The following DIP2C variants were observed in gnomAD, a reference collection of about 807,000 sequenced individuals.
DIP2C encodes disco-interacting protein 2 homolog C.
Under a neutral mutation model 192.4 loss-of-function variants are expected in DIP2C, and 33 were observed. That is an observed-to-expected ratio of 0.17 (90% CI 0.13 to 0.23). The LOEUF is 0.23. Ranked by LOEUF, DIP2C falls within the 10% of genes least tolerant of loss-of-function variation. DIP2C has a pLI of 1.00. For synonymous variants in DIP2C, 979 were observed against 864.1 expected, an observed-to-expected ratio of 1.13 and a Z score of -2.33; for missense variants, 1,537 against 2,110.1, an observed-to-expected ratio of 0.73 and a Z score of 5.32.
chr10:582,686 G>A (rs1283961023), intron 1 of DIP2C, among the ~76,000 whole-genome samples: 1 of 152,226 alleles, frequency 6.6e-6, no homozygotes, highest in East Asian at 1.9e-4. Flanking sequence ...CTATCAGGAA[G>A]AAAAGCGTGT....
At chr10:662,250 G>T (rs1287727942) in intron 1 of DIP2C, 43 of 640,500 alleles carry the variant, frequency 6.7e-5, no homozygotes, top group Middle Eastern at 4.9e-4. Context: ...CCTCCTGAAG[G>T]TACTGTATGA....
intron 31 of DIP2C, among the ~76,000 whole-genome samples, chr10:315,244 AAAAC>A (rs1956727054): frequency 6.6e-6 from 1 of 152,228 alleles, no homozygotes; most frequent in Non-Finnish European, 1.5e-5. Flanking sequence ...TAATACTTTT[AAAAC>A]AAACTAAAAA....
rs1249854283 is a variant in DIP2C, at chr10:689,665, C to T, written c.-87G>A. ...CTCCTCGCGCCCGGCGGAACCGCAC[C>T]GAGGAGGAGGCGGCGGCGCGGGCGC... On this transcript the variant is annotated 5_prime_UTR_variant, in exon 1 of 37. Coordinates refer to ENST00000280886, the MANE Select transcript of DIP2C (RefSeq NM_014974.3). This position sits in a 1 kb window ranked among gnomAD's most constrained non-coding sequence, Gnocchi z 6.1. 1.3e-5 allele frequency: 12 copies of T among 922,344 alleles called. No individual in the cohort carries two copies. The highest frequency in any genetic ancestry group is 5.0e-5 in the South Asian group (1 of 20,174). 57.1% of individuals were successfully genotyped at this position (922,344 alleles called of 1,614,324 possible).
intron 3 of DIP2C, among the ~76,000 whole-genome samples, chr10:446,450 A>G (rs1047278357): frequency 6.6e-6 from 1 of 152,250 alleles, no homozygotes; most frequent in Non-Finnish European, 1.5e-5. Context: ...TGTATCTTGC[A>G]TGCTTGCAAA....
intron 29 of DIP2C, among the ~76,000 whole-genome samples, chr10:331,882 T>C (rs1957523286): frequency 6.6e-6 from 1 of 151,304 alleles, no homozygotes; most frequent in South Asian, 2.1e-4. Context: ...AATTTTACTG[T>C]GGTAAAACAT....
intron 6 of DIP2C, among the ~76,000 whole-genome samples, chr10:416,433 C>A (rs1266017201): frequency 6.6e-6 from 1 of 152,142 alleles, no homozygotes; most frequent in Non-Finnish European, 1.5e-5. Flanking sequence ...ACCACCACGC[C>A]CAAGCCCTGT....
At chr10:671,039 G>A (rs1056517191) in intron 1 of DIP2C, among the ~76,000 whole-genome samples, 10 of 152,218 alleles carry the variant, frequency 6.6e-5, no homozygotes, top group Admixed American at 6.5e-4. Context: ...GATCTGCCCC[G>A]AGGCCGCTTC....
At chr10:577,323 G>A (rs186117924) in intron 1 of DIP2C, among the ~76,000 whole-genome samples, 60 of 152,358 alleles carry the variant, frequency 3.9e-4, no homozygotes, top group African/African-American at 1.3e-3. Flanking sequence ...AGAGGAAGAA[G>A]AAGTATCGGT....
chr10:535,705 G>T (rs1847658130), intron 1 of DIP2C, among the ~76,000 whole-genome samples: 1 of 152,076 alleles, frequency 6.6e-6, no homozygotes, highest in Non-Finnish European at 1.5e-5. Context: ...CATAAAAACT[G>T]TATGTGGGCT....
In DIP2C at chr10:542,339, TCTC is replaced by T. The variant is rs577880142; in HGVS notation, c.86-55812_86-55810del. On this transcript the variant is annotated intron_variant, in intron 1 of 36. Transcript: ENST00000280886. ...GTCCCTCAACAGATGCTCTATGTCT[TCTC>T]CTCCTCTCCTGGCAGAGCTTTGCTG... Among the ~76,000 whole-genome samples the T allele has an allele frequency of 7.2e-5, 11 of 152,240 alleles. No individual in the cohort carries two copies. The South Asian group carries it at 1.0e-3, about 14-fold the overall frequency.
At chr10:657,658 T>C (rs865925335) in intron 1 of DIP2C, among the ~76,000 whole-genome samples, 162 of 31,278 alleles carry the variant, frequency 5.2e-3, no homozygotes, top group African/African-American at 7.3e-3. Flanking sequence ...CCTGGACCTG[T>C]CCCTGGACCT....
At position 432,888 on chromosome 10, in the gene DIP2C, T is replaced by C. The variant is rs530879050; in HGVS notation, c.394+7983A>G. Among the ~76,000 whole-genome samples, 71 of 152,358 alleles carry C rather than the reference T, an allele frequency of 4.7e-4. No homozygotes were observed. The South Asian group carries it at 0.013, about 28-fold the overall frequency. On this transcript the variant is annotated intron_variant, in intron 4 of 36. Coordinates refer to ENST00000280886, the MANE Select transcript of DIP2C (RefSeq NM_014974.3). ...TTAAAGAAATCTTCAGATTTCTTCC[T>C]TGAGCAATGCATTATTTTTAAGTGT...
chr10:449,508 G>A (rs1564727128), intron 3 of DIP2C, among the ~76,000 whole-genome samples: 1 of 151,880 alleles, frequency 6.6e-6, no homozygotes, highest in Non-Finnish European at 1.5e-5. Context: ...TGAAAAGTGA[G>A]TATCTTAAAG....
At chr10:342,316 G>A (rs1214675388) in intron 28 of DIP2C, among the ~76,000 whole-genome samples, 1 of 152,006 alleles carries the variant, frequency 6.6e-6, no homozygotes, top group African/African-American at 2.4e-5. Context: ...CCGCCACCAC[G>A]CCCGGCTAAT....
chr10:484,685 A>G lies in DIP2C; in HGVS notation c.157+1774T>C. 2.7e-6 allele frequency: 4 copies of G among 1,454,952 alleles called. No homozygotes were observed. The South Asian group carries it at 4.1e-5, about 15-fold the overall frequency. 90.1% of individuals were successfully genotyped at this position (1,454,952 alleles called of 1,614,324 possible). The stretch of plus-strand genomic sequence containing the variant: ...ATGGGACCCTCAGGCCCCCAAGGCC[A>G]CACCCTACACGTCTGTACGGGATGG... On this transcript the variant is annotated intron_variant, in intron 2 of 36. Transcript: ENST00000280886.
intron 1 of DIP2C, among the ~76,000 whole-genome samples, chr10:633,726 G>A (rs1854664577): frequency 6.6e-6 from 1 of 152,202 alleles, no homozygotes. Context: ...AAAAACAGTA[G>A]GAGGAAAAAC....
At chr10:312,372 A>T (rs994952356) in intron 31 of DIP2C, among the ~76,000 whole-genome samples, 4 of 152,166 alleles carry the variant, frequency 2.6e-5, no homozygotes, top group African/African-American at 9.7e-5. Context: ...AATATTCCCA[A>T]AAAGTACAAA....
intron 1 of DIP2C, among the ~76,000 whole-genome samples, chr10:649,213 G>A (rs1184326003): frequency 1.3e-5 from 2 of 150,616 alleles, no homozygotes; most frequent in Non-Finnish European, 3.0e-5. Flanking sequence ...AGAGAACAGA[G>A]GGAAACTGAG....
chr10:406,052 G>A (rs1007837956), intron 9 of DIP2C, among the ~76,000 whole-genome samples: 3 of 152,084 alleles, frequency 2.0e-5, no homozygotes, highest in Non-Finnish European at 2.9e-5. Context: ...TCATCAAACC[G>A]TGCTCCCGTA....
Sources: allele counts gnomAD v4.1 joint callset (sites outside exome capture counted in the v4.1 genomes callset), GRCh38; gene constraint gnomAD v4.1.1; non-coding constraint Gnocchi (gnomAD v3.1); transcripts MANE v1.5; gene names NCBI Gene and HGNC (gene_info 2026-07-23, HGNC 2026-07-21).